Variants in DNAH17 observed in about 807,000 individuals in gnomAD.
DNAH17 encodes axonemal beta dynein heavy chain 17.
In DNAH17, 376 loss-of-function variants were observed where a neutral mutation model predicts 485.6. The observed-to-expected ratio is 0.77, with a 90% CI of 0.71 to 0.84. The LOEUF (loss-of-function observed/expected upper bound fraction) is 0.84. DNAH17 is among the 40% of genes least tolerant of loss of function. The probability of loss-of-function intolerance (pLI) is 0.00; values close to 1 mark genes in which losing one functional copy is unlikely to be tolerated. For missense variants in DNAH17, 6,370 were observed against 5,839.3 expected, an observed-to-expected ratio of 1.09 and a Z score of -2.96; for synonymous variants, 3,031 against 2,405.9, an observed-to-expected ratio of 1.26 and a Z score of -7.60.
chr17:78,516,712 AGAG>A (rs2090793343), intron 25 of DNAH17, among the ~76,000 whole-genome samples: 2 of 142,350 alleles, frequency 1.4e-5, no homozygotes, highest in Admixed American at 7.1e-5. Flanking sequence ...AAAAAAAAAA[AGAG>A]AGAGAGACAG....
chr17:78,544,266 G>A (rs975631953), intron 16 of DNAH17, among the ~76,000 whole-genome samples: 4 of 152,198 alleles, frequency 2.6e-5, no homozygotes, highest in African/African-American at 9.6e-5. Flanking sequence ...TCACTCAACT[G>A]GGCCAGAATG....
intron 64 of DNAH17, among the ~76,000 whole-genome samples, chr17:78,453,879 G>GT (rs1462283675): frequency 3.0e-4 from 45 of 152,010 alleles, no homozygotes; most frequent in African/African-American, 1.0e-3. Context: ...TTTGTTTTTT[G>GT]TTTTTTGTTG....
chr17:78,466,099 T>C (rs1364403992), intron 56 of DNAH17, among the ~76,000 whole-genome samples: 1 of 152,194 alleles, frequency 6.6e-6, no homozygotes, highest in Admixed American at 6.5e-5. Context: ...AAACTTCTTC[T>C]GCCTTGGGAT....
chr17:78,459,912 C>T lies in DNAH17; in HGVS notation c.9525G>A (p.Gly3175=), dbSNP rs1392024209. The T allele has an allele frequency of 1.9e-6, 3 of 1,614,014 alleles. No homozygotes were observed. Among genetic ancestry groups the T allele is most frequent in the South Asian group, 1.1e-5 (1 of 91,088 alleles). The change falls in exon 60 of 81, where the codon GGG becomes GGA. Residue 3175 remains glycine, a synonymous_variant. Transcript: ENST00000389840. ...TAAVMILTAP[G]GKIPKDKSWK... Reference sequence around the variant, plus strand: ...AGCTCTTGTCCTTGGGGATCTTGCCCCCAGGTGCGGTCAGAATCATGACGG... The same window carrying T: ...AGCTCTTGTCCTTGGGGATCTTGCCTCCAGGTGCGGTCAGAATCATGACGG...
At chr17:78,569,567 G>C (rs754545749) in intron 7 of DNAH17, 40 bp from the exon 8 acceptor site, 1 of 1,577,428 alleles carries the variant, frequency 6.3e-7, no homozygotes, top group Non-Finnish European at 8.6e-7. Context: ...GCTCCGACAA[G>C]CCATTTGGGG....
At position 78,507,811 on chromosome 17, in the gene DNAH17, G is replaced by A. The variant is rs749850020; in HGVS notation, c.4237-6C>T. 130 of 1,543,944 alleles carry A rather than the reference G, an allele frequency of 8.4e-5. No homozygotes were observed. Among genetic ancestry groups the A allele is most frequent in the Non-Finnish European group, 1.0e-4 (119 of 1,147,370 alleles). ...CTGTCCAGGGCTTTCAGCACCTTTTGGGGGAACAGAAAAATAAGGTCACTG... is the reference window on the plus strand; with the variant it reads ...CTGTCCAGGGCTTTCAGCACCTTTTAGGGGAACAGAAAAATAAGGTCACTG... On this transcript the variant is annotated splice_polypyrimidine_tract_variant and splice_region_variant and intron_variant, in intron 27 of 80. Coordinates refer to ENST00000389840, the MANE Select transcript of DNAH17 (RefSeq NM_173628.4).
chr17:78,432,218 T>G (rs1023553769), intron 75 of DNAH17, among the ~76,000 whole-genome samples: 4 of 142,120 alleles, frequency 2.8e-5, no homozygotes, highest in African/African-American at 1.0e-4. Flanking sequence ...TAAATAAAAA[T>G]TAAAAAAAAA....
At chr17:78,574,665 G>A in intron 2 of DNAH17, 48 bp downstream of exon 2, 1 of 1,513,946 alleles carries the variant, frequency 6.6e-7, no homozygotes, top group Non-Finnish European at 9.0e-7. Flanking sequence ...CCGCTCCCGA[G>A]AAGTCGGTCG....
intron 39 of DNAH17, 66 bp from the exon 40 acceptor site, chr17:78,494,886 G>A: frequency 6.3e-7 from 1 of 1,574,844 alleles, no homozygotes; most frequent in South Asian, 1.2e-5. Flanking sequence ...GGCAGGTCTG[G>A]AAGCCAACCC....
At chr17:78,543,287 G>GTATTTTTT (rs1200669389) in intron 17 of DNAH17, among the ~76,000 whole-genome samples, 3 of 139,270 alleles carry the variant, frequency 2.2e-5, no homozygotes, top group African/African-American at 8.2e-5. Context: ...GTTAATTTTT[G>GTATTTTTT]TTTTTTTTTT....
rs1212004840 is a variant in DNAH17, at chr17:78,505,193, G to A, written c.4956+100C>T. 3.3e-6 allele frequency: 5 copies of A among 1,497,840 alleles called. No homozygotes were observed. The Admixed American group carries it at 9.8e-5, about 29-fold the overall frequency. 92.8% of individuals were successfully genotyped at this position (1,497,840 alleles called of 1,614,324 possible). ...GCAGGGGCGGGCTGGCAGCTGCACA[G>A]GGTGCTGGTTCTCCGGACATCGCCA... On this transcript the variant is annotated intron_variant, in intron 31 of 80. Coordinates refer to ENST00000389840, the MANE Select transcript of DNAH17 (RefSeq NM_173628.4).
intron 22 of DNAH17, among the ~76,000 whole-genome samples, chr17:78,527,509 G>C (rs2091111117): frequency 6.6e-6 from 1 of 151,200 alleles, no homozygotes. Context: ...GAATCCATTT[G>C]TGGGTGTGGG....
At chr17:78,452,958 A>T (rs1028664073) in intron 65 of DNAH17, among the ~76,000 whole-genome samples, 1 of 120,350 alleles carries the variant, frequency 8.3e-6, no homozygotes, top group Non-Finnish European at 1.7e-5. Flanking sequence ...TGTTTGTACA[A>T]CATCGTGAGT....
intron 47 of DNAH17, 190 bp from the exon 48 acceptor site, chr17:78,485,223 G>GC (rs2089545798): frequency 1.4e-6 from 1 of 715,260 alleles, no homozygotes; most frequent in Admixed American, 3.0e-5. Flanking sequence ...AATAAACAGA[G>GC]CGATCAGAGG....
At position 78,482,423 on chromosome 17, in the gene DNAH17, T is replaced by A. The variant is rs1255684059; in HGVS notation, c.7650-1637A>T. Among the ~76,000 whole-genome samples the A allele has an allele frequency of 3.3e-5, 5 of 152,238 alleles. No homozygotes were observed. The East Asian group carries it at 9.6e-4, about 29-fold the overall frequency. ...GTATATTTCAGATATTAATCCACTGTCAATTTTATACATTGCAAATGTTTT... is the reference window on the plus strand; with the variant it reads ...GTATATTTCAGATATTAATCCACTGACAATTTTATACATTGCAAATGTTTT... On this transcript the variant is annotated intron_variant, in intron 48 of 80. Transcript: ENST00000389840.
chr17:78,496,666 C>CTTTTTTTT (rs539881163), intron 37 of DNAH17: 1 of 98,172 alleles, frequency 1.0e-5, no homozygotes, highest in Non-Finnish European at 1.9e-5. Context: ...CCCAGATGGA[C>CTTTTTTTT]TTTTTTTTTT....
chr17:78,572,887 G>C lies in DNAH17; in HGVS notation c.353C>G (p.Ser118Cys), dbSNP rs1440090438. Residue 118 changes from serine to cysteine, a missense_variant, in exon 3 of 81, where the codon TCT becomes TGT. Physicochemically the swap from Ser to Cys is moderately radical, Grantham distance 112 (BLOSUM62 -1). Coordinates refer to ENST00000389840, the MANE Select transcript of DNAH17 (RefSeq NM_173628.4). ...GTTCTCACTTTGGTTTAACAGAGAA[G>C]AGAGGACCTAAAAGGAAACACTTCT... ...QLIAVVEEVL[S>C]SLLNQSENMA... 1 of 1,613,548 alleles carries C rather than the reference G, an allele frequency of 6.2e-7. No homozygotes were observed. The highest frequency in any genetic ancestry group is 1.7e-5 in the Admixed American group (1 of 59,962).
intron 24 of DNAH17, among the ~76,000 whole-genome samples, chr17:78,526,165 G>T (rs1894396424): frequency 6.6e-6 from 1 of 152,234 alleles, no homozygotes; most frequent in Non-Finnish European, 1.5e-5. Context: ...TGCACTGGAC[G>T]TGACCATGAA....
At chr17:78,475,886 A>C (rs1046775238) in intron 52 of DNAH17, 53 bp from the exon 53 acceptor site, 3 of 1,581,928 alleles carry the variant, frequency 1.9e-6, no homozygotes, top group Non-Finnish European at 2.6e-6. Flanking sequence ...CCATGACCAC[A>C]CAGATAGTTA....
Sources: allele counts gnomAD v4.1 joint callset (sites outside exome capture counted in the v4.1 genomes callset), GRCh38; gene constraint gnomAD v4.1.1; transcripts MANE v1.5; gene names NCBI Gene and HGNC (gene_info 2026-07-23, HGNC 2026-07-21).